The following PBXIP1 variants were observed in gnomAD, a reference collection of about 807,000 sequenced individuals.
PBXIP1 encodes PBX homeobox interacting protein 1.
In PBXIP1, 73 loss-of-function variants were observed where a neutral mutation model predicts 73.7. That is an observed-to-expected ratio of 0.99 (90% CI 0.82 to 1.20). The LOEUF (loss-of-function observed/expected upper bound fraction) is 1.20. Among genes scored for constraint, PBXIP1 ranks in the 50% most tolerant of loss-of-function variants. PBXIP1 has a pLI of 0.00. For synonymous variants in PBXIP1, 330 were observed against 366.9 expected, an observed-to-expected ratio of 0.90 and a Z score of 1.15; for missense variants, 818 against 911.4, an observed-to-expected ratio of 0.90 and a Z score of 1.32.
intron 9 of PBXIP1, 82 bp downstream of exon 9, chr1:154,947,335 C>T (rs1654859986): frequency 6.6e-7 from 1 of 1,511,420 alleles, no homozygotes; most frequent in Non-Finnish European, 9.2e-7. Flanking sequence ...AAATAGGAAA[C>T]ATTCCTTTTG....
rs1654990841 is a variant in PBXIP1 at position 154,951,126 on chromosome 1, C to T, written c.409+106G>A. 1 of 1,046,010 alleles carries T rather than the reference C, an allele frequency of 9.6e-7. No individual in the cohort carries two copies. The highest frequency in any genetic ancestry group is 1.4e-6 in the Non-Finnish European group (1 of 701,438). 64.8% of individuals were successfully genotyped at this position (1,046,010 alleles called of 1,614,324 possible). ...GGTGAGAAAGGAGAGCACCAAGCTG[C>T]TCAGCCCTAGGGCCTGGACCACAGC... On this transcript the variant is annotated intron_variant, in intron 5 of 10. Coordinates refer to ENST00000368463, the MANE Select transcript of PBXIP1 (RefSeq NM_020524.4). This position sits in a 1 kb window ranked among gnomAD's most constrained non-coding sequence, Gnocchi z 4.3.
At chr1:154,948,043 G>T in intron 6 of PBXIP1, 38 bp from the exon 7 acceptor site, 1 of 1,605,932 alleles carries the variant, frequency 6.2e-7, no homozygotes, top group African/African-American at 1.3e-5. Flanking sequence ...GAGGCCCTCG[G>T]GGAGGGGTGA....
chr1:154,951,291 T>C lies in PBXIP1; in HGVS notation c.350A>G (p.Asp117Gly). ...GCTCTGGCCTTCCAGGTCCTGTGTG[T>C]CTGGTCCCAGGCCTGTCACCACGGT... ...ETTVVTGLGP[D>G]TQDLEGQSPP... Residue 117 changes from aspartate to glycine, a missense_variant, in exon 5 of 11, where the codon GAC (aspartate) becomes GGC (glycine). Coordinates refer to ENST00000368463, the MANE Select transcript of PBXIP1 (RefSeq NM_020524.4). This position sits in a 1 kb window ranked among gnomAD's most constrained non-coding sequence, Gnocchi z 4.3. 2 of 1,614,118 alleles carry C rather than the reference T, an allele frequency of 1.2e-6. No homozygotes were observed. The highest frequency in any genetic ancestry group is 3.3e-5 in the Admixed American group (2 of 60,030).
intron 1 of PBXIP1, among the ~76,000 whole-genome samples, chr1:154,954,732 G>A (rs533483393): frequency 6.6e-6 from 1 of 152,296 alleles, no homozygotes; most frequent in East Asian, 1.9e-4. Context: ...CTGACACAAA[G>A]CAGGGTAAGA....
intron 2 of PBXIP1, 27 bp downstream of exon 2, chr1:154,953,644 C>T (rs764488988): frequency 1.1e-5 from 17 of 1,547,844 alleles, no homozygotes; most frequent in African/African-American, 1.4e-5. Context: ...ACCCCACCCC[C>T]ATGGTTCCCA....
At chr1:154,948,036 G>A in intron 6 of PBXIP1, 31 bp from the exon 7 acceptor site, 1 of 1,608,108 alleles carries the variant, frequency 6.2e-7, no homozygotes, top group Admixed American at 1.7e-5. Context: ...GTCTGATGAG[G>A]CCCTCGGGGA....
intron 1 of PBXIP1, among the ~76,000 whole-genome samples, chr1:154,954,736 G>C (rs1331562477): frequency 6.6e-6 from 1 of 152,160 alleles, no homozygotes; most frequent in Non-Finnish European, 1.5e-5. Context: ...CACAAAGCAG[G>C]GTAAGAAGAG....
At chr1:154,945,450 C>A in intron 10 of PBXIP1, 122 bp downstream of exon 10, 2 of 1,050,268 alleles carry the variant, frequency 1.9e-6, no homozygotes, top group Non-Finnish European at 2.8e-6. Context: ...GACCTGAATG[C>A]CTTCTCTAAG....
rs768111232 is a variant in PBXIP1, at chr1:154,945,641, T to C, written c.2033A>G (p.Asp678Gly). 2 of 1,614,180 alleles carry C rather than the reference T, an allele frequency of 1.2e-6. No homozygotes were observed. Among genetic ancestry groups the C allele is most frequent in the South Asian group, 1.1e-5 (1 of 91,086 alleles). Residue 678 changes from aspartate to glycine, a missense_variant, in exon 10 of 11, where the codon GAT becomes GGT. Asp to Gly is a moderately conservative substitution (Grantham distance 94, BLOSUM62 -1). Transcript: ENST00000368463. ...EEVAVQQTGD[D>G]DEVDDFEDFI... ...GTCCTCAAAGTCATCTACTTCATCA[T>C]CATCACCTGTCTGTTGCACAGCCAC...
Position 154,945,478 on chromosome 1 carries a change from C to G in PBXIP1, c.2102+94G>C, listed in dbSNP as rs1452981273. On this transcript the variant is annotated intron_variant, in intron 10 of 10. Coordinates refer to ENST00000368463, the MANE Select transcript of PBXIP1 (RefSeq NM_020524.4). The stretch of plus-strand genomic sequence containing the variant: ...TCTCTAAGGGAAGCCAGCTGGGGAC[C>G]AAAAGTAAGGATACTCAAACTAATG... 2.2e-6 allele frequency: 3 copies of G among 1,364,524 alleles called. No individual in the cohort carries two copies. The African/African-American group carries it at 4.3e-5, about 20-fold the overall frequency. The allele number at this position is 1,364,524 out of a possible 1,614,324, so 84.5% of individuals were successfully genotyped here.
At chr1:154,948,047 G>A in intron 6 of PBXIP1, 42 bp from the exon 7 acceptor site, 1 of 1,603,536 alleles carries the variant, frequency 6.2e-7, no homozygotes, top group Non-Finnish European at 8.5e-7. Context: ...CCCTCGGGGA[G>A]GGGTGATGTG....
Position 154,951,111 on chromosome 1 carries a change from G to A in PBXIP1, c.409+121C>T, listed in dbSNP as rs1202259851. ...CGTCCCAGGGGTAGTGGTGAGAAAG[G>A]AGAGCACCAAGCTGCTCAGCCCTAG... On this transcript the variant is annotated intron_variant, in intron 5 of 10. Transcript: ENST00000368463. This position sits in a 1 kb window ranked among gnomAD's most constrained non-coding sequence, Gnocchi z 4.3. 1.2e-6 allele frequency: 1 copy of A among 844,886 alleles called. No individual in the cohort carries two copies. Among genetic ancestry groups the A allele is most frequent in the Non-Finnish European group, 1.9e-6 (1 of 532,508 alleles). 52.3% of individuals were successfully genotyped at this position (844,886 alleles called of 1,614,324 possible). A position where few individuals can be genotyped will look rare whatever the true frequency, so the allele number is the denominator to read the frequency against.
At position 154,948,320 on chromosome 1, in the gene PBXIP1, G is replaced by T; in HGVS notation, c.456C>A (p.Thr152=). ...EGRCSSSDDD[T]DVDMEGLRRR... is the part of the protein sequence containing the mutation. ...TCCGCAGACCCTCCATGTCCACGTC[G>T]GTGTCATCGTCACTGCTGGAGCAGC... The change falls in exon 6 of 11, where the codon ACC becomes ACA. Residue 152 remains threonine (T), a synonymous_variant. Coordinates refer to ENST00000368463, the MANE Select transcript of PBXIP1 (RefSeq NM_020524.4). 2 of 1,609,482 alleles carry T rather than the reference G, an allele frequency of 1.2e-6. No individual in the cohort carries two copies. Among genetic ancestry groups the T allele is most frequent in the Non-Finnish European group, 1.7e-6 (2 of 1,178,224 alleles).
chr1:154,953,577 G>T, intron 2 of PBXIP1, 94 bp downstream of exon 2: 1 of 765,906 alleles, frequency 1.3e-6, no homozygotes, highest in Non-Finnish European at 2.3e-6. Flanking sequence ...GTGACCATCA[G>T]GACTAAGGAA....
rs983795779 is a variant in PBXIP1 at position 154,946,281 on chromosome 1, G to A, written c.1393C>T (p.His465Tyr). The A allele has an allele frequency of 1.2e-6, 2 of 1,614,070 alleles. No individual in the cohort carries two copies. Among genetic ancestry groups the A allele is most frequent in the Non-Finnish European group, 1.7e-6 (2 of 1,180,044 alleles). ...NASKAWHQKS[H>Y]FQNSREWSGK... ...CTCCACTCCCTAGAATTCTGGAAGTGGGACTTCTGGTGCCAGGCCTTTGAG... is the reference window on the plus strand; with the variant it reads ...CTCCACTCCCTAGAATTCTGGAAGTAGGACTTCTGGTGCCAGGCCTTTGAG... The change falls in exon 10 of 11, where the codon CAC becomes TAC. Residue 465 changes from histidine to tyrosine, a missense_variant. Physicochemically the swap from His to Tyr is moderately conservative, Grantham distance 83 (BLOSUM62 2). Coordinates refer to ENST00000368463, the MANE Select transcript of PBXIP1 (RefSeq NM_020524.4).
At chr1:154,950,796 C>T (rs1197734601) in intron 5 of PBXIP1, among the ~76,000 whole-genome samples, 1 of 152,272 alleles carries the variant, frequency 6.6e-6, no homozygotes, top group East Asian at 1.9e-4. Context: ...GACTGAATGG[C>T]CTCTCCTTCC....
chr1:154,952,109 C>T (rs1002707535), intron 2 of PBXIP1, among the ~76,000 whole-genome samples, 188 bp from the exon 3 acceptor site: 1 of 152,194 alleles, frequency 6.6e-6, no homozygotes, highest in African/African-American at 2.4e-5. Context: ...CGCTACACAG[C>T]GCCGCACCAC....
At chr1:154,954,212 C>T (rs1406473612) in intron 1 of PBXIP1, among the ~76,000 whole-genome samples, 1 of 152,214 alleles carries the variant, frequency 6.6e-6, no homozygotes, top group Non-Finnish European at 1.5e-5. Flanking sequence ...CTACCTTCTC[C>T]CCCAGGACCT....
At chr1:154,946,949 C>T in intron 9 of PBXIP1, 146 bp from the exon 10 acceptor site, 1 of 678,104 alleles carries the variant, frequency 1.5e-6, no homozygotes, top group Non-Finnish European at 2.4e-6. Context: ...ATTTGGTTTT[C>T]ATCCTCCACC....
Sources: gnomAD v4.1 joint callset for allele counts (sites outside exome capture counted in the v4.1 genomes callset) on GRCh38, gnomAD v4.1.1 for gene constraint, Gnocchi (gnomAD v3.1) non-coding constraint, MANE v1.5 for transcripts, NCBI Gene and HGNC (gene_info 2026-07-23, HGNC 2026-07-21) for gene names.